CCDC197: variants seen among roughly 807,000 people sequenced by gnomAD.
CCDC197 encodes coiled-coil domain containing 197.
Under a neutral mutation model 13.4 loss-of-function variants are expected in CCDC197, and 24 were observed. That is an observed-to-expected ratio of 1.80 (90% CI 1.30 to 2.53). The LOEUF is 2.53. Among genes scored for constraint, CCDC197 ranks in the 30% most tolerant of loss-of-function variants. CCDC197 has a pLI of 0.00. For synonymous variants in CCDC197, 99 were observed against 55.5 expected, an observed-to-expected ratio of 1.78 and a Z score of -3.48; for missense variants, 255 against 148.8, an observed-to-expected ratio of 1.71 and a Z score of -3.71.
At chr14:94,010,571 T>A (rs983280983), downstream of CCDC197, among the ~76,000 whole-genome samples, 1 of 152,184 alleles carries the variant, frequency 6.6e-6, no homozygotes, top group African/African-American at 2.4e-5. Flanking sequence ...CTCATAGACC[T>A]TCACAGGAAA....
rs1890427093 is a variant in CCDC197 at position 93,999,569 on chromosome 14, AT to A, written c.105-13del. On this transcript the variant is annotated splice_polypyrimidine_tract_variant and intron_variant, in intron 2 of 6. Coordinates refer to ENST00000636493, the MANE Select transcript of CCDC197 (RefSeq NM_001351596.2). The stretch of plus-strand genomic sequence containing the variant: ...GGGAGCCTCCAGGCCATGTTCCTGC[AT>A]CTGGCTCTACAGGCAGAAGAAGCTC... The A allele has an allele frequency of 1.3e-6, 1 of 780,664 alleles. No individual in the cohort carries two copies. The highest frequency in any genetic ancestry group is 1.7e-5 in the Admixed American group (1 of 59,006). 48.4% of individuals were successfully genotyped at this position (780,664 alleles called of 1,614,324 possible).
chr14:94,003,638 C>A lies in CCDC197; in HGVS notation c.498+284C>A, dbSNP rs1890599413. 6.6e-6 allele frequency among the ~76,000 whole-genome samples: 1 copy of A among 151,910 alleles called. No individual in the cohort carries two copies. The highest frequency in any genetic ancestry group is 1.5e-5 in the Non-Finnish European group (1 of 67,932). ...ACACACAGACACACACACAGACATG[C>A]AAACACACGCACAGACACACAGACA... On this transcript the variant is annotated intron_variant, in intron 5 of 6. Transcript: ENST00000636493. This position sits in a 1 kb window ranked among gnomAD's most constrained non-coding sequence, Gnocchi z 5.0.
chr14:94,001,035 C>T (rs1890480965), intron 3 of CCDC197, 110 bp from the exon 4 acceptor site: 1 of 616,288 alleles, frequency 1.6e-6, no homozygotes, highest in Non-Finnish European at 3.0e-6. Context: ...CTGTCATGGA[C>T]TGTCTGGCAC....
At chr14:93,999,767 A>T (rs995696418) in intron 3 of CCDC197, 102 bp downstream of exon 3, 2 of 716,590 alleles carry the variant, frequency 2.8e-6, no homozygotes, top group Non-Finnish European at 5.1e-6. Context: ...CGAGCTGCTC[A>T]TCTACAGAAT....
At chr14:93,994,121 G>A (rs1340977093), upstream of CCDC197, among the ~76,000 whole-genome samples, 1 of 152,186 alleles carries the variant, frequency 6.6e-6, no homozygotes, top group African/African-American at 2.4e-5. Flanking sequence ...GCAGGATGGA[G>A]AATAACTACA....
chr14:93,991,068 C>T (rs980713845), intron 1 of CCDC197, among the ~76,000 whole-genome samples: 1 of 152,190 alleles, frequency 6.6e-6, no homozygotes, highest in South Asian at 2.1e-4. Flanking sequence ...ACGACTCTAT[C>T]AACCTTCATG....
At chr14:93,996,455 G>A (rs958702586), upstream of CCDC197, among the ~76,000 whole-genome samples, 3 of 151,874 alleles carry the variant, frequency 2.0e-5, no homozygotes, top group Non-Finnish European at 4.4e-5. Context: ...CTTTGATCCA[G>A]ATCTTGCTCC....
intron 1 of CCDC197, among the ~76,000 whole-genome samples, chr14:93,989,877 T>C (rs970170580): frequency 6.6e-6 from 1 of 152,190 alleles, no homozygotes; most frequent in African/African-American, 2.4e-5. Context: ...ACTCAGGTGG[T>C]TGGCAGTGTT....
At chr14:93,989,903 G>A (rs138650057) in intron 1 of CCDC197, among the ~76,000 whole-genome samples, 3 of 152,268 alleles carry the variant, frequency 2.0e-5, no homozygotes, top group Admixed American at 6.5e-5. Flanking sequence ...CCTTGCAGCC[G>A]CAGGCCTGAG....
intron 4 of CCDC197, among the ~76,000 whole-genome samples, chr14:94,002,851 CA>C (rs759127379): frequency 0.01 from 1,112 of 108,024 alleles, 8 homozygotes; most frequent in African/African-American, 0.026. Context: ...GAGACTGTCT[CA>C]AAAAAAAAAA....
intron 1 of CCDC197, among the ~76,000 whole-genome samples, chr14:93,988,411 T>G (rs1417897916): frequency 3.9e-4 from 16 of 41,248 alleles, no homozygotes; most frequent in African/African-American, 8.0e-4. Flanking sequence ...ATGGGAAGAG[T>G]AGATGGGAGG....
At chr14:93,993,228 G>A (rs532634598), upstream of CCDC197, among the ~76,000 whole-genome samples, 7 of 152,276 alleles carry the variant, frequency 4.6e-5, no homozygotes, top group South Asian at 1.0e-3. Flanking sequence ...GAATACCTAC[G>A]ACGGGTCAGC....
At chr14:94,006,379 G>T (rs1218791803) in intron 6 of CCDC197, among the ~76,000 whole-genome samples, 1 of 149,974 alleles carries the variant, frequency 6.7e-6, no homozygotes, top group African/African-American at 2.5e-5. Context: ...TTGAGACAGA[G>T]TCTCACTCTC....
At chr14:93,992,183 G>A (rs984674027) in intron 1 of CCDC197, among the ~76,000 whole-genome samples, 7 of 152,192 alleles carry the variant, frequency 4.6e-5, no homozygotes, top group South Asian at 2.1e-4. Context: ...TCTGGTTTTC[G>A]CTTTAAGACG....
rs371525903 is a variant in CCDC197 at position 94,005,854 on chromosome 14, T to C, written c.615+883T>C. Among the ~76,000 whole-genome samples, 20 of 152,230 alleles carry C rather than the reference T, an allele frequency of 1.3e-4. 1 individual carries two copies. Among genetic ancestry groups the C allele is most frequent in the Admixed American group, 8.5e-4 (13 of 15,286 alleles). The stretch of plus-strand genomic sequence containing the variant: ...TTTATTTTTATAGCTGAATAGTCCA[T>C]GGTATGGGCGTATTTATATGGATAG... On this transcript the variant is annotated intron_variant, in intron 6 of 6. Coordinates refer to ENST00000636493, the MANE Select transcript of CCDC197 (RefSeq NM_001351596.2).
intron 4 of CCDC197, 108 bp downstream of exon 4, chr14:94,001,431 T>A: frequency 1.8e-6 from 1 of 563,672 alleles, no homozygotes; most frequent in Non-Finnish European, 3.2e-6. Flanking sequence ...AGCAGCGGCG[T>A]AATGCTGGGG....
intron 6 of CCDC197, among the ~76,000 whole-genome samples, chr14:94,005,656 C>T (rs78169835): frequency 0.091 from 13,850 of 152,154 alleles, 661 homozygotes; most frequent in Middle Eastern, 0.15. Context: ...TATGCATGTC[C>T]GTGTTTTCAG....
chr14:93,999,378 A>T, intron 2 of CCDC197: 1 of 556,640 alleles, frequency 1.8e-6, no homozygotes, highest in East Asian at 3.1e-5. Context: ...ATGGGCGTTT[A>T]TTTGATCTGC....
rs760725902 is a variant in CCDC197 at position 93,999,665 on chromosome 14, G to C, written c.187G>C (p.Gly63Arg). The change falls in exon 3 of 7, where the codon GGC (glycine) becomes CGC (arginine). Residue 63 changes from glycine to arginine, a missense_variant and splice_region_variant. By Grantham distance (125) the Gly-to-Arg change is moderately radical. Transcript: ENST00000636493. ...LIKVLEKIPEGCTGWEEPEEV... is the reference protein window; with the variant it reads ...LIKVLEKIPERCTGWEEPEEV... Reference sequence around the variant, plus strand: ...TAAGGTCCTTGAGAAAATCCCCGAGGGTATGTACACAGCTTCCTCGGAAAG... The same window carrying C: ...TAAGGTCCTTGAGAAAATCCCCGAGCGTATGTACACAGCTTCCTCGGAAAG... 2.6e-5 allele frequency: 20 copies of C among 780,854 alleles called. No individual in the cohort carries two copies. The highest frequency in any genetic ancestry group is 2.0e-4 in the Admixed American group (12 of 59,016). 48.4% of individuals were successfully genotyped at this position (780,854 alleles called of 1,614,324 possible). A position where few individuals can be genotyped will look rare whatever the true frequency, so the allele number is the denominator to read the frequency against.
Sources: gnomAD v4.1 joint callset for allele counts (sites outside exome capture counted in the v4.1 genomes callset) on GRCh38, gnomAD v4.1.1 for gene constraint, Gnocchi (gnomAD v3.1) non-coding constraint, MANE v1.5 for transcripts, NCBI Gene and HGNC (gene_info 2026-07-23, HGNC 2026-07-21) for gene names.